The following ZFYVE16 variants were observed in gnomAD, a reference collection of about 807,000 sequenced individuals.
The protein encoded by ZFYVE16 is zinc finger FYVE-type containing 16, also known as zinc finger FYVE domain-containing protein 16.
A neutral mutation model predicts 138.1 loss-of-function variants in ZFYVE16; 89 were observed. The observed-to-expected ratio is 0.64, with a 90% CI of 0.54 to 0.77. The LOEUF (loss-of-function observed/expected upper bound fraction) is 0.77. Among genes scored for constraint, ZFYVE16 ranks in the 30% least tolerant of loss-of-function variants. The probability of loss-of-function intolerance (pLI) is 0.00; values close to 1 mark genes in which losing one functional copy is unlikely to be tolerated. For missense variants in ZFYVE16, 1,793 were observed against 1,786.7 expected, an observed-to-expected ratio of 1.00 and a Z score of -0.06; for synonymous variants, 596 against 618.3, an observed-to-expected ratio of 0.96 and a Z score of 0.53.
chr5:80,417,158 G>A (rs890680097), intron 1 of ZFYVE16, among the ~76,000 whole-genome samples: 1 of 152,138 alleles, frequency 6.6e-6, no homozygotes, highest in African/African-American at 2.4e-5. Context: ...AGTGATTTCA[G>A]AATTGTTAAC....
chr5:80,413,486 G>GA lies in ZFYVE16; in HGVS notation c.-94+5343dup, dbSNP rs992254164. On this transcript the variant is annotated intron_variant, in intron 1 of 18. Transcript: ENST00000505560. ...AACTTCATCTCAAAAAAAAAAAAAA[G>GA]AAAAAAAAAAGAGAAAAACAACAAT... 6.3e-3 allele frequency among the ~76,000 whole-genome samples: 685 copies of GA among 108,614 alleles called. 4 individuals are homozygous for GA. The highest frequency in any genetic ancestry group is 0.023 in the African/African-American group (623 of 27,290). 71.3% of individuals were successfully genotyped at this position (108,614 alleles called of 152,430 possible). A position where few individuals can be genotyped will look rare whatever the true frequency, so the allele number is the denominator to read the frequency against.
intron 6 of ZFYVE16, among the ~76,000 whole-genome samples, chr5:80,444,799 A>G (rs1751116992): frequency 6.6e-6 from 1 of 151,956 alleles, no homozygotes; most frequent in Non-Finnish European, 1.5e-5. Context: ...ATATATATAT[A>G]TGCTTCAGTC....
At chr5:80,426,204 GTGTGT>G (rs1747980001) in intron 1 of ZFYVE16, among the ~76,000 whole-genome samples, 2 of 17,962 alleles carry the variant, frequency 1.1e-4, no homozygotes, top group Non-Finnish European at 1.8e-4. Context: ...TGTGTGTGGT[GTGTGT>G]GTGTGTGTGT....
Position 80,437,014 on chromosome 5 carries a change from C to A in ZFYVE16, c.329C>A (p.Thr110Asn). 5 of 1,614,130 alleles carry A rather than the reference C, an allele frequency of 3.1e-6. No individual in the cohort carries two copies. Among genetic ancestry groups the A allele is most frequent in the Non-Finnish European group, 4.2e-6 (5 of 1,180,028 alleles). The change falls in exon 4 of 19, where the codon ACT (threonine) becomes AAT (asparagine). Residue 110 changes from threonine (T) to asparagine (N), a missense_variant. By Grantham distance (65) the Thr-to-Asn change is moderately conservative. Around this residue, in one of 2 missense-constraint regions of ZFYVE16, gnomAD observed 1,295 missense variants for 1,204.3 expected, o/e 1.08. Transcript: ENST00000505560. ...CTTCTTTCTTCTGTGGATGGTGGTACTTCAGATGAAATCCAGCCGTTATAT... is the reference window on the plus strand; with the variant it reads ...CTTCTTTCTTCTGTGGATGGTGGTAATTCAGATGAAATCCAGCCGTTATAT... ...LDLLSSVDGG[T>N]SDEIQPLYMG...
intron 1 of ZFYVE16, among the ~76,000 whole-genome samples, chr5:80,426,224 G>A (rs868766682): frequency 5.6e-5 from 8 of 141,992 alleles, no homozygotes; most frequent in African/African-American, 2.1e-4. Context: ...GTGTGTGTGT[G>A]TGTGTATGTG....
intron 1 of ZFYVE16, among the ~76,000 whole-genome samples, chr5:80,420,622 A>G (rs1747006391): frequency 6.6e-6 from 1 of 152,220 alleles, no homozygotes; most frequent in African/African-American, 2.4e-5. Flanking sequence ...AAAGGACATG[A>G]ACTCATCCTT....
At position 80,448,119 on chromosome 5, in the gene ZFYVE16, C is replaced by T. The variant is rs1453953150; in HGVS notation, c.2818C>T (p.Pro940Ser). Residue 940 changes from proline to serine, a missense_variant, in exon 8 of 19, where the codon CCT becomes TCT. Coordinates refer to ENST00000505560, the MANE Select transcript of ZFYVE16 (RefSeq NM_001284236.3). ...TACAAGAAATGAGATAATTCAGAGT[C>T]CTATTTCTCAGGTTCCATCAGTGGA... ...DITRNEIIQS[P>S]ISQVPSVEKL... is the part of the protein sequence containing the mutation. The T allele has an allele frequency of 1.9e-6, 3 of 1,613,740 alleles. No individual in the cohort carries two copies. The Admixed American group carries it at 5.0e-5, about 27-fold the overall frequency.
At position 80,437,807 on chromosome 5, in the gene ZFYVE16, A is replaced by G. The variant is rs1750149662; in HGVS notation, c.1122A>G (p.Ser374=). Residue 374 remains serine, a synonymous_variant, in exon 4 of 19, where the codon TCA becomes TCG. Transcript: ENST00000505560. ...TTTCCAGTAAAGATGTGCCGTCCTC[A>G]TTGTCCTGTCTTCCTGCGTCTGGGT... is the stretch of plus-strand genomic sequence containing the variant. ...LHVSSKDVPS[S]LSCLPASGSM... is the part of the protein sequence containing the mutation. The G allele has an allele frequency of 1.2e-6, 2 of 1,614,070 alleles. No homozygotes were observed. Among genetic ancestry groups the G allele is most frequent in the Non-Finnish European group, 1.7e-6 (2 of 1,179,966 alleles).
rs1216180744 is a variant in ZFYVE16, at chr5:80,441,681, G to A, written c.2420-1442G>A. The A allele has an allele frequency of 1.3e-4, 112 of 860,016 alleles. 1 individual carries two copies. The highest frequency in any genetic ancestry group is 2.3e-4 in the East Asian group (1 of 4,360). 53.3% of individuals were successfully genotyped at this position (860,016 alleles called of 1,614,324 possible). On this transcript the variant is annotated intron_variant, in intron 5 of 18. Transcript: ENST00000505560. ...CTGAGATTATGTGAGTTTCAAGGAA[G>A]CACACGTGAATATCAATAAGTAGAT...
chr5:80,459,401 A>G lies in ZFYVE16; in HGVS notation c.3944-13A>G. 1 of 1,607,776 alleles carries G rather than the reference A, an allele frequency of 6.2e-7. No individual in the cohort carries two copies. The highest frequency in any genetic ancestry group is 8.5e-7 in the Non-Finnish European group (1 of 1,177,404). On this transcript the variant is annotated splice_polypyrimidine_tract_variant and intron_variant, in intron 14 of 18. Coordinates refer to ENST00000505560, the MANE Select transcript of ZFYVE16 (RefSeq NM_001284236.3). ...GCAGTTTAAAACAAATAATTGTTGT[A>G]TTTCTTGATCAGTGACAGGTGCAAG...
intron 1 of ZFYVE16, among the ~76,000 whole-genome samples, chr5:80,408,963 A>G (rs905301956): frequency 3.4e-5 from 4 of 116,064 alleles, no homozygotes; most frequent in African/African-American, 1.2e-4. Context: ...GTAGAACTAT[A>G]TATAATTTTT....
At chr5:80,461,896 C>T (rs577056255) in intron 15 of ZFYVE16, among the ~76,000 whole-genome samples, 24 of 152,004 alleles carry the variant, frequency 1.6e-4, no homozygotes, top group Non-Finnish European at 2.5e-4. Context: ...GGTGTGAACC[C>T]AGGAGGTGGA....
At chr5:80,458,664 A>G (rs1752783303) in intron 14 of ZFYVE16, among the ~76,000 whole-genome samples, 1 of 152,212 alleles carries the variant, frequency 6.6e-6, no homozygotes, top group Non-Finnish European at 1.5e-5. Flanking sequence ...TAAAAATGCT[A>G]CAGTGAATAG....
chr5:80,462,773 C>T (rs556011464), intron 15 of ZFYVE16, among the ~76,000 whole-genome samples: 1 of 152,296 alleles, frequency 6.6e-6, no homozygotes, highest in East Asian at 1.9e-4. Context: ...TAGTTACTTC[C>T]TAGATACATT....
intron 7 of ZFYVE16, among the ~76,000 whole-genome samples, chr5:80,446,009 C>A (rs1265708784): frequency 6.6e-6 from 1 of 151,606 alleles, no homozygotes. Flanking sequence ...GATTCTCCTG[C>A]CTCAGCCTCC....
chr5:80,445,775 T>A (rs1278065147), intron 7 of ZFYVE16, among the ~76,000 whole-genome samples: 1 of 142,098 alleles, frequency 7.0e-6, no homozygotes, highest in Non-Finnish European at 1.6e-5. Flanking sequence ...TTTTTTTTTT[T>A]AGAGATGTGG....
In ZFYVE16 at chr5:80,416,247, A is replaced by ATTTTTTT. The variant is rs70988469; in HGVS notation, c.-94+8114_-94+8120dup. ...TACTTACGTCAGTATGAATACATAGATTTTTTTTTTTTTTTTTTTTTTTTT... is the reference window on the plus strand; with the variant it reads ...TACTTACGTCAGTATGAATACATAGATTTTTTTTTTTTTTTTTTTTTTTTTTTTTTTT... On this transcript the variant is annotated intron_variant, in intron 1 of 18. Coordinates refer to ENST00000505560, the MANE Select transcript of ZFYVE16 (RefSeq NM_001284236.3). 3.1e-4 allele frequency among the ~76,000 whole-genome samples: 23 copies of ATTTTTTT among 73,344 alleles called. 1 individual carries two copies. Among genetic ancestry groups the ATTTTTTT allele is most frequent in the African/African-American group, 5.3e-4 (11 of 20,718 alleles). 48.1% of individuals were successfully genotyped at this position (73,344 alleles called of 152,430 possible).
intron 15 of ZFYVE16, among the ~76,000 whole-genome samples, chr5:80,470,099 G>GTGTGTTT (rs1327173079): frequency 8.3e-6 from 1 of 121,184 alleles, no homozygotes; most frequent in African/African-American, 3.4e-5. Context: ...GTGTGTGTGT[G>GTGTGTTT]TATTTTTTTT....
rs1225431464 is a variant in ZFYVE16 at position 80,448,218 on chromosome 5, G to A, written c.2917G>A (p.Ala973Thr). 6.2e-7 allele frequency: 1 copy of A among 1,613,796 alleles called. No individual in the cohort carries two copies. Among genetic ancestry groups the A allele is most frequent in the Admixed American group, 1.7e-5 (1 of 59,996 alleles). The change falls in exon 8 of 19, where the codon GCA becomes ACA. Residue 973 changes from alanine (A) to threonine (T), a missense_variant. This residue lies in a region of ZFYVE16 where 1,295 missense variants were observed against 1,204.3 expected (regional missense o/e 1.08). Coordinates refer to ENST00000505560, the MANE Select transcript of ZFYVE16 (RefSeq NM_001284236.3). ...ATTTACACTAGATGATGATGTTTTT[G>A]CAGAAACTGAAGAACCATCTAGTCC... is the stretch of plus-strand genomic sequence containing the variant. ...GSFTLDDDVF[A>T]ETEEPSSPTG... is the part of the protein sequence containing the mutation.
Sources: gnomAD v4.1 joint callset for allele counts (sites outside exome capture counted in the v4.1 genomes callset) on GRCh38, gnomAD v4.1.1 for gene constraint, gnomAD v4.1.1 regional missense constraint, MANE v1.5 for transcripts, NCBI Gene and HGNC (gene_info 2026-07-23, HGNC 2026-07-21) for gene names.